The following ADAM32 variants were observed in gnomAD, a reference collection of about 807,000 sequenced individuals.
ADAM32 encodes ADAM metallopeptidase domain 32.
Under a neutral mutation model 114.9 loss-of-function variants are expected in ADAM32, and 89 were observed. The ratio of observed to expected loss-of-function variants is 0.77; its 90% CI spans 0.65 to 0.92. The LOEUF (loss-of-function observed/expected upper bound fraction) is 0.92, where lower values mean the gene tolerates loss of function less well. Among genes scored for constraint, ADAM32 ranks in the 40% least tolerant of loss-of-function variants. The pLI is 0.00. For synonymous variants in ADAM32, 285 were observed against 307.5 expected, an observed-to-expected ratio of 0.93 and a Z score of 0.77; for missense variants, 870 against 932.8, an observed-to-expected ratio of 0.93 and a Z score of 0.88.
At chr8:39,242,388 T>G (rs1465388020) in intron 16 of ADAM32, among the ~76,000 whole-genome samples, 1 of 152,226 alleles carries the variant, frequency 6.6e-6, no homozygotes, top group Non-Finnish European at 1.5e-5. Context: ...CTGTATTAGT[T>G]TTTTTCATGC....
At chr8:39,178,890 C>A (rs78741947) in intron 10 of ADAM32, among the ~76,000 whole-genome samples, 35,665 of 152,080 alleles carry the variant, frequency 0.23, 4,755 homozygotes, top group Non-Finnish European at 0.29. Flanking sequence ...GCAAAGATGG[C>A]AACCTGCTTC....
rs1385196152 is a variant in ADAM32, at chr8:39,232,109, T to A, written c.1608T>A (p.Asn536Lys). 1 of 1,607,134 alleles carries A rather than the reference T, an allele frequency of 6.2e-7. No homozygotes were observed. Among genetic ancestry groups the A allele is most frequent in the Non-Finnish European group, 8.5e-7 (1 of 1,174,352 alleles). Residue 536 changes from asparagine to lysine, a missense_variant, in exon 15 of 25, where the codon AAT becomes AAA. Transcript: ENST00000379907. ...DRFGNCGRDR[N>K]NKYVFCGWRN... ...TTGGGAACTGTGGTAGGGATAGAAA[T>A]AACAAATATGTGTTCTGTGGATGGA...
intron 6 of ADAM32, among the ~76,000 whole-genome samples, chr8:39,152,189 G>A (rs767211496): frequency 4.6e-5 from 7 of 152,074 alleles, no homozygotes; most frequent in Non-Finnish European, 7.4e-5. Flanking sequence ...CAACGAGTCA[G>A]CATTAATTAA....
intron 14 of ADAM32, among the ~76,000 whole-genome samples, chr8:39,230,736 A>G (rs1176821751): frequency 6.6e-6 from 1 of 152,200 alleles, no homozygotes; most frequent in African/African-American, 2.4e-5. Flanking sequence ...CCAAAAAAGA[A>G]CAGCAGAAAG....
intron 11 of ADAM32, among the ~76,000 whole-genome samples, chr8:39,208,352 A>G (rs917703657): frequency 6.6e-6 from 1 of 152,184 alleles, no homozygotes; most frequent in Non-Finnish European, 1.5e-5. Flanking sequence ...CTCTAAATTC[A>G]CATATTTTTA....
intron 1 of ADAM32, among the ~76,000 whole-genome samples, chr8:39,111,003 C>A (rs764975178): frequency 6.6e-6 from 1 of 152,166 alleles, no homozygotes; most frequent in Non-Finnish European, 1.5e-5. Context: ...AAAATATGAC[C>A]TTTTTTGTCT....
At chr8:39,252,476 A>G (rs770155989) in intron 17 of ADAM32, among the ~76,000 whole-genome samples, 3 of 151,598 alleles carry the variant, frequency 2.0e-5, no homozygotes, top group Non-Finnish European at 4.4e-5. Context: ...AAATTCTTAC[A>G]TTAAAAAGAA....
At chr8:39,243,748 C>A (rs541151992) in intron 16 of ADAM32, among the ~76,000 whole-genome samples, 16 of 152,188 alleles carry the variant, frequency 1.1e-4, no homozygotes, top group African/African-American at 3.9e-4. Flanking sequence ...TTCATCACTT[C>A]TATTCAACAT....
intron 19 of ADAM32, among the ~76,000 whole-genome samples, chr8:39,263,979 C>T (rs1812198742): frequency 1.3e-5 from 2 of 152,096 alleles, no homozygotes; most frequent in Non-Finnish European, 1.5e-5. Flanking sequence ...AAAAGTAACA[C>T]CCATTAAACC....
chr8:39,164,210 A>G (rs1348283115), intron 7 of ADAM32, among the ~76,000 whole-genome samples: 1 of 152,178 alleles, frequency 6.6e-6, no homozygotes. Context: ...TTTCACACAC[A>G]TTGCATAAAG....
chr8:39,231,988 A>C, intron 14 of ADAM32, 39 bp from the exon 15 acceptor site: 1 of 1,491,134 alleles, frequency 6.7e-7, no homozygotes, highest in Non-Finnish European at 9.3e-7. Context: ...TGAAAAACCA[A>C]TAAACATTTT....
At chr8:39,279,385 G>A (rs112806084) in intron 22 of ADAM32, among the ~76,000 whole-genome samples, 19,581 of 152,166 alleles carry the variant, frequency 0.13, 1,370 homozygotes, top group East Asian at 0.23. Context: ...CCTGGGTTCA[G>A]GCAATTCTCT....
At chr8:39,169,663 G>A in intron 9 of ADAM32, 1 of 291,758 alleles carries the variant, frequency 3.4e-6, no homozygotes, top group Non-Finnish European at 6.3e-6. Context: ...GATGTGATGA[G>A]AACACTAAAG....
chr8:39,133,658 G>T (rs1289542252), intron 2 of ADAM32, among the ~76,000 whole-genome samples: 1 of 152,226 alleles, frequency 6.6e-6, no homozygotes, highest in East Asian at 1.9e-4. Context: ...GCTCCTGGCT[G>T]GTGCATGTGG....
At chr8:39,192,694 T>C (rs1032906025) in intron 11 of ADAM32, among the ~76,000 whole-genome samples, 1 of 152,234 alleles carries the variant, frequency 6.6e-6, no homozygotes, top group African/African-American at 2.4e-5. Context: ...CAGGAGCTCT[T>C]GTAAGGCACA....
chr8:39,233,966 G>T lies in ADAM32; in HGVS notation c.1702G>T (p.Asp568Tyr). 2 of 1,591,602 alleles carry T rather than the reference G, an allele frequency of 1.3e-6. No individual in the cohort carries two copies. The highest frequency in any genetic ancestry group is 1.7e-6 in the Non-Finnish European group (2 of 1,168,044). ...AAAGCCTTTCCATCAAGAAAATGGT[G>T]ATGTGATTTATGCTTTCGTACGAGA... Reference protein sequence around the residue: ...TRKPFHQENGDVIYAFVRDSV... With the variant: ...TRKPFHQENGYVIYAFVRDSV... The change falls in exon 16 of 25, where the codon GAT becomes TAT. Residue 568 changes from aspartate to tyrosine, a missense_variant. Asp to Tyr is a radical substitution (Grantham distance 160). Transcript: ENST00000379907.
chr8:39,283,526 A>G (rs2129451878), intron 23 of ADAM32, 60 bp from the exon 24 acceptor site: 1 of 1,350,172 alleles, frequency 7.4e-7, no homozygotes, highest in Non-Finnish European at 1.0e-6. Flanking sequence ...AATAAATACA[A>G]CATAAGTTTG....
At chr8:39,258,644 T>C (rs1386955527) in intron 19 of ADAM32, among the ~76,000 whole-genome samples, 1 of 152,184 alleles carries the variant, frequency 6.6e-6, no homozygotes, top group African/African-American at 2.4e-5. Flanking sequence ...TTTTTATAAA[T>C]GTGTAAGCTT....
intron 11 of ADAM32, among the ~76,000 whole-genome samples, chr8:39,206,151 G>C (rs1290482082): frequency 2.0e-5 from 3 of 152,198 alleles, no homozygotes; most frequent in African/African-American, 4.8e-5. Flanking sequence ...TCTGTTAGCA[G>C]CATCAGTGGT....
Sources: gnomAD v4.1 joint callset for allele counts (sites outside exome capture counted in the v4.1 genomes callset) on GRCh38, gnomAD v4.1.1 for gene constraint, MANE v1.5 for transcripts, NCBI Gene and HGNC (gene_info 2026-07-23, HGNC 2026-07-21) for gene names.